RAB31: variants seen among roughly 807,000 people sequenced by gnomAD.
RAB31 encodes RAB31, member RAS oncogene family.
RAB31 carries 21 observed loss-of-function variants against 25.6 expected under a neutral mutation model. The observed-to-expected ratio is 0.82, with a 90% confidence interval of 0.58 to 1.18. The LOEUF is 1.18. RAB31 is among the 50% of genes most tolerant of loss of function. RAB31 has a pLI of 0.00. For synonymous variants in RAB31, 87 were observed against 84.0 expected, an observed-to-expected ratio of 1.04 and a Z score of -0.20; for missense variants, 196 against 250.1, an observed-to-expected ratio of 0.78 and a Z score of 1.46.
intron 1 of RAB31, among the ~76,000 whole-genome samples, chr18:9,769,529 A>T (rs977659309): frequency 6.6e-6 from 1 of 152,212 alleles, no homozygotes; most frequent in Non-Finnish European, 1.5e-5. Context: ...ATTTTTGCAC[A>T]TTGATTTTGT....
chr18:9,850,565 T>G (rs2143145062), intron 6 of RAB31, among the ~76,000 whole-genome samples: 1 of 152,348 alleles, frequency 6.6e-6, no homozygotes, highest in South Asian at 2.1e-4. Flanking sequence ...AGCTATGCAT[T>G]TTGCTCCAGT....
intron 1 of RAB31, among the ~76,000 whole-genome samples, chr18:9,753,887 G>C (rs1021416368): frequency 6.6e-6 from 1 of 152,180 alleles, no homozygotes; most frequent in Non-Finnish European, 1.5e-5. Context: ...AAGATAGGTA[G>C]GTTAAGATGA....
At chr18:9,808,892 C>G (rs2068555652) in intron 3 of RAB31, among the ~76,000 whole-genome samples, 1 of 152,256 alleles carries the variant, frequency 6.6e-6, no homozygotes, top group Admixed American at 6.5e-5. Flanking sequence ...TTTTCCACCA[C>G]TGCTCATTCC....
chr18:9,852,132 A>G (rs1324833685), intron 6 of RAB31, among the ~76,000 whole-genome samples: 1 of 152,136 alleles, frequency 6.6e-6, no homozygotes, highest in African/African-American at 2.4e-5. Context: ...GCACTGAATA[A>G]TATAGTGAAC....
At chr18:9,807,567 G>A (rs2299845) in intron 3 of RAB31, among the ~76,000 whole-genome samples, 53,334 of 151,988 alleles carry the variant, frequency 0.35, 9,960 homozygotes, top group East Asian at 0.65. Context: ...GCCCTTGGAC[G>A]ATTTCATGGG....
intron 1 of RAB31, among the ~76,000 whole-genome samples, chr18:9,716,331 A>G (rs1254168193): frequency 6.6e-6 from 1 of 152,168 alleles, no homozygotes; most frequent in Non-Finnish European, 1.5e-5. Context: ...GATCATGTAT[A>G]ATATTAAAAT....
intron 1 of RAB31, among the ~76,000 whole-genome samples, chr18:9,752,387 G>T (rs2068239594): frequency 6.6e-6 from 1 of 152,114 alleles, no homozygotes; most frequent in Admixed American, 6.5e-5. Flanking sequence ...ACCACGCCCG[G>T]CTAAGTTTTG....
intron 3 of RAB31, among the ~76,000 whole-genome samples, chr18:9,808,052 G>A (rs1332762213): frequency 6.6e-6 from 1 of 152,144 alleles, no homozygotes; most frequent in African/African-American, 2.4e-5. Context: ...TTTGTGTTGT[G>A]TCATTTTCTG....
chr18:9,793,428 C>T lies in RAB31; in HGVS notation c.201+1193C>T, dbSNP rs1034620832. Among the ~76,000 whole-genome samples, 75 of 152,124 alleles carry T rather than the reference C, an allele frequency of 4.9e-4. 1 individual carries two copies. Among genetic ancestry groups the T allele is most frequent in the East Asian group, 1.9e-3 (10 of 5,154 alleles). Reference sequence around the variant, plus strand: ...CTGTAATCCCAACACTTTGGGAGGCCGAGGCGGGCGGATCATGAGGTCAGG... The same window carrying T: ...CTGTAATCCCAACACTTTGGGAGGCTGAGGCGGGCGGATCATGAGGTCAGG... On this transcript the variant is annotated intron_variant, in intron 3 of 6. Transcript: ENST00000578921.
intron 3 of RAB31, among the ~76,000 whole-genome samples, chr18:9,794,032 A>G (rs763509775): frequency 5.8e-4 from 88 of 152,206 alleles, no homozygotes; most frequent in Non-Finnish European, 1.2e-3. Flanking sequence ...AGCAGGGACC[A>G]CAGGTGCTCA....
chr18:9,742,504 G>C (rs1426503654), intron 1 of RAB31, among the ~76,000 whole-genome samples: 4 of 152,204 alleles, frequency 2.6e-5, no homozygotes, highest in African/African-American at 9.7e-5. Flanking sequence ...TTCCACGCTA[G>C]GGACGTTCTA....
At chr18:9,805,970 C>G (rs184588403) in intron 3 of RAB31, among the ~76,000 whole-genome samples, 77 of 152,004 alleles carry the variant, frequency 5.1e-4, no homozygotes, top group Non-Finnish European at 9.0e-4. Context: ...GTCAGGAGAT[C>G]GGGACCATCC....
chr18:9,835,282 G>C (rs1599059890), intron 5 of RAB31, among the ~76,000 whole-genome samples: 1 of 152,146 alleles, frequency 6.6e-6, no homozygotes, highest in Non-Finnish European at 1.5e-5. Flanking sequence ...ACTGCCCCGA[G>C]AGAAAACGGC....
chr18:9,735,287 G>C (rs1390761912), intron 1 of RAB31: 2 of 164,906 alleles, frequency 1.2e-5, no homozygotes, highest in Non-Finnish European at 2.7e-5. Context: ...CAAAGTGTAG[G>C]GATTATAGGT....
At chr18:9,730,784 G>T (rs1471025636) in intron 1 of RAB31, among the ~76,000 whole-genome samples, 1 of 152,222 alleles carries the variant, frequency 6.6e-6, no homozygotes, top group Non-Finnish European at 1.5e-5. Context: ...TGAGATGGAA[G>T]TTCTGCACAG....
rs1335301541 is a variant in RAB31 at position 9,862,350 on chromosome 18, C to T, written c.*3025C>T. Reference sequence around the variant, plus strand: ...TGCTGCCCTGTTGTGCAAACTGCTCCTTTTTCTCGTGTTTTTGTAAAGAGC... The same window carrying T: ...TGCTGCCCTGTTGTGCAAACTGCTCTTTTTTCTCGTGTTTTTGTAAAGAGC... On this transcript the variant is annotated 3_prime_UTR_variant, in exon 7 of 7. Transcript: ENST00000578921. The T allele has an allele frequency of 6.6e-6, 1 of 152,206 alleles. No individual in the cohort carries two copies. The highest frequency in any genetic ancestry group is 6.5e-5 in the Admixed American group (1 of 15,276). 9.4% of individuals were successfully genotyped at this position (152,206 alleles called of 1,614,324 possible).
At chr18:9,720,755 A>T (rs1002600901) in intron 1 of RAB31, among the ~76,000 whole-genome samples, 4 of 151,862 alleles carry the variant, frequency 2.6e-5, no homozygotes, top group Non-Finnish European at 5.9e-5. Context: ...AAACCTGCAA[A>T]ATGTGTTGCA....
intron 3 of RAB31, among the ~76,000 whole-genome samples, chr18:9,803,340 A>G (rs1245139016): frequency 1.3e-5 from 2 of 151,322 alleles, no homozygotes; most frequent in African/African-American, 4.9e-5. Flanking sequence ...GACTCAAGCA[A>G]TCCTCCTGCC....
chr18:9,831,027 T>C (rs1348914967), intron 5 of RAB31, among the ~76,000 whole-genome samples: 1 of 152,216 alleles, frequency 6.6e-6, no homozygotes, highest in Non-Finnish European at 1.5e-5. Flanking sequence ...GTCTCTTCTG[T>C]TCCATCGGCT....
Sources: gnomAD v4.1 joint callset for allele counts (sites outside exome capture counted in the v4.1 genomes callset) on GRCh38, gnomAD v4.1.1 for gene constraint, MANE v1.5 for transcripts, NCBI Gene and HGNC (gene_info 2026-07-23, HGNC 2026-07-21) for gene names.